Variants in MIIP observed in about 807,000 individuals in gnomAD.
MIIP encodes the protein migration and invasion inhibitory protein.
A neutral mutation model predicts 44.8 loss-of-function variants in MIIP; 44 were observed. The ratio of observed to expected loss-of-function variants is 0.98; its 90% confidence interval spans 0.77 to 1.26. The LOEUF is 1.26. Ranked by LOEUF, MIIP falls within the 50% of genes most tolerant of loss-of-function variation. The pLI is 0.00. For missense variants in MIIP, 496 were observed against 511.7 expected, an observed-to-expected ratio of 0.97 and a Z score of 0.30; for synonymous variants, 225 against 218.3, an observed-to-expected ratio of 1.03 and a Z score of -0.27.
chr1:12,026,566 G>A (rs572154637), intron 4 of MIIP, among the ~76,000 whole-genome samples: 3 of 152,304 alleles, frequency 2.0e-5, no homozygotes, highest in South Asian at 4.1e-4. Flanking sequence ...CTCCTCCAGG[G>A]TTTCCTTCCT....
intron 4 of MIIP, among the ~76,000 whole-genome samples, chr1:12,024,572 C>T (rs532966222): frequency 6.6e-6 from 1 of 152,264 alleles, no homozygotes; most frequent in South Asian, 2.1e-4. Flanking sequence ...TGCCACCACA[C>T]CCGGCTAATT....
At chr1:12,024,713 A>G (rs1235846291) in intron 4 of MIIP, among the ~76,000 whole-genome samples, 1 of 152,160 alleles carries the variant, frequency 6.6e-6, no homozygotes, top group Non-Finnish European at 1.5e-5. Flanking sequence ...TCCCAGCCAC[A>G]TGTAGCGTTT....
intron 4 of MIIP, 180 bp from the exon 5 acceptor site, chr1:12,028,853 T>A: frequency 1.7e-6 from 1 of 602,094 alleles, no homozygotes. Flanking sequence ...AGACAGACAC[T>A]GAAACCAACC....
intron 6 of MIIP, 140 bp downstream of exon 6, chr1:12,029,421 C>T (rs1640177062): frequency 2.0e-6 from 2 of 984,366 alleles, no homozygotes; most frequent in Non-Finnish European, 3.0e-6. Context: ...GGGAGGCCTG[C>T]AGTCTGGACA....
At chr1:12,030,919 A>G (rs1640227966) in intron 8 of MIIP, among the ~76,000 whole-genome samples, 1 of 152,152 alleles carries the variant, frequency 6.6e-6, no homozygotes, top group Non-Finnish European at 1.5e-5. Flanking sequence ...GCTGGTCCGT[A>G]AAATGGACAT....
intron 6 of MIIP, 45 bp downstream of exon 6, chr1:12,029,326 C>A (rs372297441): frequency 3.2e-6 from 5 of 1,579,152 alleles, no homozygotes; most frequent in Non-Finnish European, 3.4e-6. Flanking sequence ...TCCAGCCTCG[C>A]GCTGCCCTGG....
At chr1:12,024,738 T>TA (rs958830637) in intron 4 of MIIP, among the ~76,000 whole-genome samples, 6 of 152,072 alleles carry the variant, frequency 3.9e-5, no homozygotes, top group Admixed American at 3.3e-4. Flanking sequence ...AGTGGACTGT[T>TA]AAGCGGCGTC....
At position 12,022,123 on chromosome 1, in the gene MIIP, A is replaced by T; in HGVS notation, c.143A>T (p.Asn48Ile). 8 of 1,613,814 alleles carry T rather than the reference A, an allele frequency of 5.0e-6. No individual in the cohort carries two copies. The highest frequency in any genetic ancestry group is 6.8e-6 in the Non-Finnish European group (8 of 1,179,916). Residue 48 changes from asparagine to isoleucine, a missense_variant, in exon 3 of 10, where the codon AAC becomes ATC. Physicochemically the swap from Asn to Ile is moderately radical, Grantham distance 149. Transcript: ENST00000235332. ...AGCCTGGAATCCAGCAGCAGCTACA[A>T]CTCAGAGACTCCATCGACCCCAGAG... ...ESSLESSSSY[N>I]SETPSTPETS...
rs1337789814 is a variant in MIIP, at chr1:12,031,409, G to T, written c.1080+6G>T. The T allele has an allele frequency of 1.2e-6, 2 of 1,611,202 alleles. No individual in the cohort carries two copies. Among genetic ancestry groups the T allele is most frequent in the African/African-American group, 2.7e-5 (2 of 74,828 alleles). ...CCAGCAGCCCTTTTCACCCGGTACG[G>T]TCCAGATCGCATCCTAGCCTGGGGT... On this transcript the variant is annotated splice_donor_region_variant and intron_variant, in intron 9 of 9. Transcript: ENST00000235332.
chr1:12,031,672 A>G (rs1298053627), intron 9 of MIIP, 50 bp from the exon 10 acceptor site: 2 of 1,613,744 alleles, frequency 1.2e-6, no homozygotes, highest in East Asian at 2.2e-5. Flanking sequence ...ACTGGGGATG[A>G]CCTGTCCCTT....
In MIIP at chr1:12,022,378, A is replaced by T. The variant is rs573216081; in HGVS notation, c.398A>T (p.Asp133Val). ...CCAGAGCCCTCAGGGAGGCTGGGTGATCCAGGACCCCAGGAGGCACAGACC... is the reference window on the plus strand; with the variant it reads ...CCAGAGCCCTCAGGGAGGCTGGGTGTTCCAGGACCCCAGGAGGCACAGACC... ...RDPEPSGRLG[D>V]PGPQEAQTPR... The change falls in exon 3 of 10, where the codon GAT becomes GTT. Residue 133 changes from aspartate to valine, a missense_variant. Asp to Val is a radical substitution (Grantham distance 152). Transcript: ENST00000235332. The T allele has an allele frequency of 1.2e-6, 2 of 1,611,602 alleles. No homozygotes were observed. Among genetic ancestry groups the T allele is most frequent in the Non-Finnish European group, 1.7e-6 (2 of 1,179,316 alleles).
intron 4 of MIIP, 75 bp downstream of exon 4, chr1:12,022,992 G>A: frequency 1.7e-6 from 2 of 1,195,222 alleles, no homozygotes; most frequent in East Asian, 2.6e-5. Context: ...CCATGCTCCT[G>A]TCTGAGCCTC....
intron 4 of MIIP, among the ~76,000 whole-genome samples, chr1:12,028,277 T>C (rs913896547): frequency 5.3e-5 from 8 of 152,312 alleles, no homozygotes; most frequent in South Asian, 2.1e-4. Context: ...TCTCCCCAGC[T>C]GAATCCTAAC....
chr1:12,021,316 C>A (rs1437337353), intron 1 of MIIP, among the ~76,000 whole-genome samples: 1 of 151,710 alleles, frequency 6.6e-6, no homozygotes, highest in African/African-American at 2.4e-5. Context: ...ATGGCGTGAA[C>A]CCGGGAGGCG....
rs138345116 is a variant in MIIP at position 12,029,790 on chromosome 1, G to T, written c.741G>T (p.Arg247=). 1.2e-5 allele frequency: 20 copies of T among 1,613,254 alleles called. No homozygotes were observed. Among genetic ancestry groups the T allele is most frequent in the Non-Finnish European group, 1.7e-5 (20 of 1,179,590 alleles). ...HECVYCYRVN[R]RLFPVPVDPG... ...GCGTGTACTGTTACCGTGTCAACCG[G>T]CGCCTGTTCCCGGTGCCTGTGGATC... is the stretch of plus-strand genomic sequence containing the variant. The change falls in exon 7 of 10, where the codon CGG becomes CGT. Residue 247 remains arginine (R), a synonymous_variant. Transcript: ENST00000235332.
chr1:12,021,130 C>T lies in MIIP; in HGVS notation c.-82-515C>T, dbSNP rs111256557. Reference sequence around the variant, plus strand: ...TTTTTTTTGGCCAGGCACTGTAGCTCATGCCTGTAATCCCAGCACTTTGGG... The same window carrying T: ...TTTTTTTTGGCCAGGCACTGTAGCTTATGCCTGTAATCCCAGCACTTTGGG... On this transcript the variant is annotated intron_variant, in intron 1 of 9. Coordinates refer to ENST00000235332, the MANE Select transcript of MIIP (RefSeq NM_021933.4). Among the ~76,000 whole-genome samples the T allele has an allele frequency of 5.5e-4, 83 of 152,188 alleles. 2 individuals carry two copies. Among genetic ancestry groups the T allele is most frequent in the African/African-American group, 1.9e-3 (77 of 41,548 alleles).
chr1:12,022,569 G>A, intron 3 of MIIP, 127 bp downstream of exon 3: 1 of 845,474 alleles, frequency 1.2e-6, no homozygotes, highest in Non-Finnish European at 1.8e-6. Flanking sequence ...GATACTGTGA[G>A]TTGGGTCTTG....
chr1:12,022,258 CCT>C lies in MIIP; in HGVS notation c.284_285del (p.Leu95ProfsTer38), dbSNP rs1169936708. 1.2e-6 allele frequency: 2 copies of C among 1,613,570 alleles called. No homozygotes were observed. The highest frequency in any genetic ancestry group is 1.3e-5 in the African/African-American group (1 of 75,060). ...CGTGATGTGGCCAGATCGGGGGTGG[CCT>C]CTCTCCCACCTGCCAAATGCCAGCA... On this transcript the variant is annotated frameshift_variant, in exon 3 of 10. Coordinates refer to ENST00000235332, the MANE Select transcript of MIIP (RefSeq NM_021933.4). LOFTEE classifies it high-confidence loss of function.
chr1:12,027,669 T>C (rs1414830684), intron 4 of MIIP, among the ~76,000 whole-genome samples: 1 of 152,162 alleles, frequency 6.6e-6, no homozygotes, highest in East Asian at 1.9e-4. Context: ...CTTTCTCTAC[T>C]TCTCCATTTG....
Sources: gnomAD v4.1 joint callset for allele counts (sites outside exome capture counted in the v4.1 genomes callset) on GRCh38, gnomAD v4.1.1 for gene constraint, MANE v1.5 for transcripts, NCBI Gene and HGNC (gene_info 2026-07-23, HGNC 2026-07-21) for gene names.